The following XRCC1 variants were observed in gnomAD, a reference collection of about 807,000 sequenced individuals.
XRCC1 encodes X-ray repair cross complementing 1, also known as DNA repair protein XRCC1.
XRCC1 carries 52 observed loss-of-function variants against 83.3 expected under a neutral mutation model. The observed-to-expected ratio is 0.62, with a 90% confidence interval of 0.50 to 0.79. The LOEUF (loss-of-function observed/expected upper bound fraction) is 0.79. Among genes scored for constraint, XRCC1 ranks in the 30% least tolerant of loss-of-function variants. The probability of loss-of-function intolerance (pLI) is 0.00; values close to 1 mark genes in which losing one functional copy is unlikely to be tolerated. For missense variants in XRCC1, 793 were observed against 823.5 expected (o/e 0.96, Z 0.45); for synonymous variants, 281 against 312.6 (o/e 0.90, Z 1.07).
At chr19:43,547,010 C>A (rs926984168) in intron 10 of XRCC1, 33 bp from the exon 11 acceptor site, 3 of 1,607,020 alleles carry the variant, frequency 1.9e-6, no homozygotes, top group Non-Finnish European at 2.6e-6. Context: ...GACAAACAGG[C>A]CCAAGGGAAG....
Position 43,575,521 on chromosome 19 carries a change from G to C in XRCC1, c.-63C>G, listed in dbSNP as rs746562821. 1.9e-6 allele frequency: 3 copies of C among 1,557,632 alleles called. No individual in the cohort carries two copies. The highest frequency in any genetic ancestry group is 2.6e-6 in the Non-Finnish European group (3 of 1,137,268). ...GTAGAGTATGGGGTCCGAGGGGCAG[G>C]GAGAGTGGGAGGGGGCGGGGTGCGC... On this transcript the variant is annotated 5_prime_UTR_variant, in exon 1 of 17. Coordinates refer to ENST00000262887, the MANE Select transcript of XRCC1 (RefSeq NM_006297.3).
chr19:43,570,582 G>A (rs182819959), intron 2 of XRCC1, among the ~76,000 whole-genome samples: 1 of 152,304 alleles, frequency 6.6e-6, no homozygotes, highest in East Asian at 1.9e-4. Flanking sequence ...TCAGGAGTCC[G>A]AGACCAGGCT....
chr19:43,564,220 C>A (rs1480636586), intron 2 of XRCC1, among the ~76,000 whole-genome samples: 1 of 152,194 alleles, frequency 6.6e-6, no homozygotes, highest in Non-Finnish European at 1.5e-5. Flanking sequence ...CAGGCCTCTA[C>A]TGCATTCCCA....
Position 43,574,944 on chromosome 19 carries a change from T to G in XRCC1, c.110A>C (p.Lys37Thr). The change falls in exon 2 of 17, where the codon AAG becomes ACG. Residue 37 changes from lysine (K) to threonine (T), a missense_variant. Lys to Thr is a moderately conservative substitution (Grantham distance 78). Coordinates refer to ENST00000262887, the MANE Select transcript of XRCC1 (RefSeq NM_006297.3). ...ADTYRKWRAA[K>T]AGEKTISVVL... ...CACAGAGATGGTCTTCTCGCCTGCC[T>G]TGGCTGCCCGCCATTTTCGGTAAGT... is the stretch of plus-strand genomic sequence containing the variant. The G allele has an allele frequency of 6.2e-7, 1 of 1,614,186 alleles. No homozygotes were observed. The highest frequency in any genetic ancestry group is 8.5e-7 in the Non-Finnish European group (1 of 1,180,032).
At chr19:43,566,986 C>G (rs142007467) in intron 2 of XRCC1, among the ~76,000 whole-genome samples, 119 of 151,882 alleles carry the variant, frequency 7.8e-4, no homozygotes, top group Middle Eastern at 3.4e-3. Context: ...GAATATCATC[C>G]AGTTATTTAA....
In XRCC1 at chr19:43,554,535, A is replaced by G. The variant is rs1017864348; in HGVS notation, c.414+111T>C. Reference sequence around the variant, plus strand: ...AGGGACCCAGCCTCCCCATAATCCCATGGGACACCAGCTGTCTACTCCTCC... The same window carrying G: ...AGGGACCCAGCCTCCCCATAATCCCGTGGGACACCAGCTGTCTACTCCTCC... On this transcript the variant is annotated intron_variant, in intron 4 of 16. Coordinates refer to ENST00000262887, the MANE Select transcript of XRCC1 (RefSeq NM_006297.3). The G allele has an allele frequency of 4.1e-5, 56 of 1,368,340 alleles. 1 individual carries two copies. The African/African-American group carries it at 6.9e-4, about 17-fold the overall frequency. 84.8% of individuals were successfully genotyped at this position (1,368,340 alleles called of 1,614,324 possible). A position where few individuals can be genotyped will look rare whatever the true frequency, so the allele number is the denominator to read the frequency against.
chr19:43,546,777 G>C, intron 11 of XRCC1, 50 bp from the exon 12 acceptor site: 2 of 1,594,760 alleles, frequency 1.3e-6, no homozygotes, highest in Non-Finnish European at 1.7e-6. Flanking sequence ...GTGTGGGTGT[G>C]TTGGGGGGGT....
chr19:43,550,597 T>C (rs1427503983), intron 10 of XRCC1, among the ~76,000 whole-genome samples: 2 of 152,182 alleles, frequency 1.3e-5, no homozygotes, highest in Non-Finnish European at 2.9e-5. Flanking sequence ...CTCCAATTCA[T>C]GGACCTCAGA....
intron 2 of XRCC1, among the ~76,000 whole-genome samples, chr19:43,573,297 CCA>C (rs1008696741): frequency 3.1e-4 from 47 of 152,216 alleles, no homozygotes; most frequent in African/African-American, 1.0e-3. Flanking sequence ...CCATGAGATT[CCA>C]CAGTTTTCTG....
intron 12 of XRCC1, 71 bp from the exon 13 acceptor site, chr19:43,546,177 GCA>G: frequency 1.9e-6 from 3 of 1,566,312 alleles, no homozygotes; most frequent in Non-Finnish European, 2.6e-6. Flanking sequence ...TCCCAGTATG[GCA>G]CAGACCCAGG....
At chr19:43,559,287 T>A (rs942979366) in intron 3 of XRCC1, among the ~76,000 whole-genome samples, 1 of 151,246 alleles carries the variant, frequency 6.6e-6, no homozygotes, top group South Asian at 2.1e-4. Flanking sequence ...ATCGAGACCA[T>A]CCTGGCTAAC....
intron 3 of XRCC1, among the ~76,000 whole-genome samples, chr19:43,560,399 C>CAAAAAA (rs956887234): frequency 1.5e-4 from 15 of 99,476 alleles, no homozygotes; most frequent in Non-Finnish European, 2.7e-4. Flanking sequence ...GACTCCGTCT[C>CAAAAAA]AAAAAAAAAA....
chr19:43,550,834 C>G (rs2146047952), intron 10 of XRCC1, among the ~76,000 whole-genome samples: 1 of 152,332 alleles, frequency 6.6e-6, no homozygotes, highest in Admixed American at 6.5e-5. Flanking sequence ...GCGGGCCACC[C>G]TGTGGGGCTT....
chr19:43,546,458 C>T, intron 12 of XRCC1, 137 bp downstream of exon 12: 2 of 1,052,782 alleles, frequency 1.9e-6, no homozygotes, highest in Non-Finnish European at 2.7e-6. Flanking sequence ...GAGTCCAGGT[C>T]CCCAGGCTCT....
chr19:43,545,849 C>CCTCACTG lies in XRCC1; in HGVS notation c.1589_1590insCAGTGAG (p.Glu530AspfsTer6). 1 of 1,613,912 alleles carries CCTCACTG rather than the reference C, an allele frequency of 6.2e-7. No individual in the cohort carries two copies. Among genetic ancestry groups the CCTCACTG allele is most frequent in the Non-Finnish European group, 8.5e-7 (1 of 1,179,870 alleles). ...GCTCAGGGACTGGCAGATCAGGAGG[C>CCTCACTG]TCCTGGTGTTCCTCACTGTCCGTGT... On this transcript the variant is annotated frameshift_variant, in exon 14 of 17. Transcript: ENST00000262887. LOFTEE classifies it high-confidence loss of function.
chr19:43,553,216 A>G, intron 6 of XRCC1, 125 bp from the exon 7 acceptor site: 1 of 1,203,134 alleles, frequency 8.3e-7, no homozygotes, highest in South Asian at 1.4e-5. Context: ...CAGCCTCCAG[A>G]CCTCTCAACC....
At chr19:43,561,966 CA>C (rs1972703962) in intron 2 of XRCC1, among the ~76,000 whole-genome samples, 1 of 151,962 alleles carries the variant, frequency 6.6e-6, no homozygotes. Context: ...GCCAACATGG[CA>C]AAACCCCTTC....
chr19:43,556,252 C>G (rs1279505777), intron 3 of XRCC1, among the ~76,000 whole-genome samples: 1 of 152,108 alleles, frequency 6.6e-6, no homozygotes. Context: ...AACCTAGGCT[C>G]CAAGCAAGGG....
intron 14 of XRCC1, 109 bp downstream of exon 14, chr19:43,545,709 G>T (rs25478): frequency 0.071 from 101,520 of 1,435,060 alleles, 5,056 homozygotes; most frequent in East Asian, 0.28. Context: ...GAAGGAGAGG[G>T]GAGGCAAGAC....
Sources: gnomAD v4.1 joint callset for allele counts (sites outside exome capture counted in the v4.1 genomes callset) on GRCh38, gnomAD v4.1.1 for gene constraint, MANE v1.5 for transcripts, NCBI Gene and HGNC (gene_info 2026-07-23, HGNC 2026-07-21) for gene names.